The following GRIK2 variants were observed in gnomAD, a reference collection of about 807,000 sequenced individuals.
The protein encoded by GRIK2 is glutamate ionotropic receptor kainate type subunit 2, also known as glutamate receptor ionotropic, kainate 2.
Under a neutral mutation model 100.3 loss-of-function variants are expected in GRIK2, and 32 were observed. The ratio of observed to expected loss-of-function variants is 0.32; its 90% CI spans 0.24 to 0.43. The LOEUF is 0.43. Among genes scored for constraint, GRIK2 ranks in the 20% least tolerant of loss-of-function variants. The pLI, the probability that GRIK2 is intolerant of heterozygous loss-of-function variation, is 1.00. For synonymous variants in GRIK2, 417 were observed against 389.4 expected, an observed-to-expected ratio of 1.07 and a Z score of -0.83; for missense variants, 843 against 1,114.9, an observed-to-expected ratio of 0.76 and a Z score of 3.47.
At chr6:102,015,113 C>A (rs2114334957) in intron 14 of GRIK2, among the ~76,000 whole-genome samples, 1 of 152,226 alleles carries the variant, frequency 6.6e-6, no homozygotes. Flanking sequence ...ATTTAGGAAT[C>A]TGGGTGCTCC....
chr6:101,823,048 A>AT (rs1215725936), intron 10 of GRIK2, among the ~76,000 whole-genome samples: 2 of 152,020 alleles, frequency 1.3e-5, no homozygotes, highest in African/African-American at 4.8e-5. Flanking sequence ...ATATCTAAAC[A>AT]TTTTTTCTCT....
chr6:101,636,615 C>T (rs540207806), intron 4 of GRIK2, among the ~76,000 whole-genome samples: 4 of 151,962 alleles, frequency 2.6e-5, no homozygotes, highest in South Asian at 4.2e-4. Flanking sequence ...TATGCCAACA[C>T]GGAAAGACAA....
intron 12 of GRIK2, among the ~76,000 whole-genome samples, chr6:101,895,979 G>C (rs1051920229): frequency 3.3e-5 from 5 of 151,762 alleles, no homozygotes; most frequent in Admixed American, 3.3e-4. Flanking sequence ...AGTAAACATT[G>C]ATGAAAATTA....
At chr6:101,934,706 C>T (rs773230119) in intron 14 of GRIK2, among the ~76,000 whole-genome samples, 25 of 151,634 alleles carry the variant, frequency 1.6e-4, no homozygotes, top group Non-Finnish European at 2.4e-4. Context: ...AATTGTTGTC[C>T]GTTTTTATTT....
chr6:101,550,179 A>T (rs970899103), intron 2 of GRIK2, among the ~76,000 whole-genome samples: 1 of 152,218 alleles, frequency 6.6e-6, no homozygotes, highest in African/African-American at 2.4e-5. Flanking sequence ...TTTTATTTCA[A>T]TTAGTAACAT....
intron 4 of GRIK2, among the ~76,000 whole-genome samples, chr6:101,628,591 T>G (rs1490074173): frequency 6.6e-6 from 1 of 152,080 alleles, no homozygotes; most frequent in Non-Finnish European, 1.5e-5. Context: ...AATCAAATGA[T>G]CCAAGGGATC....
intron 11 of GRIK2, among the ~76,000 whole-genome samples, chr6:101,865,716 G>A (rs747480985): frequency 4.6e-5 from 7 of 151,624 alleles, no homozygotes; most frequent in South Asian, 2.1e-4. Flanking sequence ...GTGAAAACCC[G>A]TCTCTACTAA....
chr6:101,749,171 C>T (rs761152316), intron 7 of GRIK2, among the ~76,000 whole-genome samples: 1 of 152,068 alleles, frequency 6.6e-6, no homozygotes, highest in Non-Finnish European at 1.5e-5. Flanking sequence ...TGCAGTGGTG[C>T]GATCTCGGCT....
At chr6:101,790,712 C>A (rs978842857) in intron 7 of GRIK2, among the ~76,000 whole-genome samples, 2 of 148,376 alleles carry the variant, frequency 1.3e-5, no homozygotes, top group Non-Finnish European at 3.0e-5. Context: ...CAGGATGATG[C>A]GGGCCTCATA....
intron 12 of GRIK2, among the ~76,000 whole-genome samples, chr6:101,902,206 A>T (rs1382983757): frequency 6.6e-6 from 1 of 152,014 alleles, no homozygotes; most frequent in Non-Finnish European, 1.5e-5. Flanking sequence ...GGGAAAAGAG[A>T]TGCAAAATTA....
chr6:101,403,569 A>G (rs914882049), intron 2 of GRIK2, among the ~76,000 whole-genome samples: 3 of 152,224 alleles, frequency 2.0e-5, no homozygotes, highest in African/African-American at 4.8e-5. Flanking sequence ...AAGTGTTCCT[A>G]TGGAAATCCC....
chr6:101,504,816 T>G (rs190322125), intron 2 of GRIK2, among the ~76,000 whole-genome samples: 2 of 152,208 alleles, frequency 1.3e-5, no homozygotes, highest in African/African-American at 4.8e-5. Context: ...ATCCTCCTGG[T>G]GTAAACTGTG....
chr6:101,895,323 G>T (rs945206684), intron 12 of GRIK2, among the ~76,000 whole-genome samples: 1 of 151,464 alleles, frequency 6.6e-6, no homozygotes, highest in Admixed American at 6.6e-5. Flanking sequence ...CATATTAGTG[G>T]GTTAGGCAGC....
chr6:101,564,444 T>A (rs1777158339), intron 2 of GRIK2, among the ~76,000 whole-genome samples: 1 of 152,166 alleles, frequency 6.6e-6, no homozygotes, highest in Non-Finnish European at 1.5e-5. Context: ...GAGTGTAACA[T>A]CAACTGAAAT....
At chr6:101,557,989 G>C (rs768429873) in intron 2 of GRIK2, among the ~76,000 whole-genome samples, 1 of 152,120 alleles carries the variant, frequency 6.6e-6, no homozygotes, top group Non-Finnish European at 1.5e-5. Flanking sequence ...TACCTCAACT[G>C]CCCTTCGGTA....
rs551491885 is a variant in GRIK2, at chr6:101,988,159, G to A, written c.2086-47182G>A. 1.1e-3 allele frequency among the ~76,000 whole-genome samples: 150 copies of A among 133,122 alleles called. 1 individual carries two copies. The highest frequency in any genetic ancestry group is 4.1e-3 in the African/African-American group (135 of 33,106). 87.3% of individuals were successfully genotyped at this position (133,122 alleles called of 152,430 possible). A position where few individuals can be genotyped will look rare whatever the true frequency, so the allele number is the denominator to read the frequency against. On this transcript the variant is annotated intron_variant, in intron 14 of 16. Coordinates refer to ENST00000369134, the MANE Select transcript of GRIK2 (RefSeq NM_021956.5). ...CGCGCGCGCGCGCGCGCGCGCGTGC[G>A]CGCACATGCAAGAGCATTCTCATGA...
intron 14 of GRIK2, among the ~76,000 whole-genome samples, chr6:101,960,643 T>C (rs1792240591): frequency 6.6e-6 from 1 of 152,152 alleles, no homozygotes; most frequent in Non-Finnish European, 1.5e-5. Context: ...AGTTCCTTTA[T>C]GTGGTGGCTT....
chr6:101,574,971 A>G (rs1562236274), intron 2 of GRIK2, among the ~76,000 whole-genome samples: 1 of 151,938 alleles, frequency 6.6e-6, no homozygotes, highest in East Asian at 1.9e-4. Flanking sequence ...CAATATTATC[A>G]AGAGTTACTT....
At chr6:101,547,032 C>T (rs539699114) in intron 2 of GRIK2, among the ~76,000 whole-genome samples, 3 of 150,692 alleles carry the variant, frequency 2.0e-5, no homozygotes, top group African/African-American at 7.3e-5. Flanking sequence ...GGGGTTTCAC[C>T]GTTTTAGCCG....
Sources: gnomAD v4.1 joint callset for allele counts (sites outside exome capture counted in the v4.1 genomes callset) on GRCh38, gnomAD v4.1.1 for gene constraint, MANE v1.5 for transcripts, NCBI Gene and HGNC (gene_info 2026-07-23, HGNC 2026-07-21) for gene names.